The following NPAS3 variants were observed in gnomAD, a reference collection of about 807,000 sequenced individuals.
The protein encoded by NPAS3 is neuronal PAS domain protein 3.
A neutral mutation model predicts 73.1 loss-of-function variants in NPAS3; 14 were observed. That is an observed-to-expected ratio of 0.19 (90% CI 0.13 to 0.30). The LOEUF (loss-of-function observed/expected upper bound fraction) is 0.30, where lower values mean the gene tolerates loss of function less well. Ranked by LOEUF, NPAS3 falls within the 10% of genes least tolerant of loss-of-function variation. NPAS3 has a pLI of 1.00. For synonymous variants in NPAS3, 620 were observed against 541.5 expected (o/e 1.14, Z -2.01); for missense variants, 1,096 against 1,250.0 (o/e 0.88, Z 1.86).
intron 3 of NPAS3, among the ~76,000 whole-genome samples, chr14:33,319,852 A>G (rs960530520): frequency 3.3e-5 from 5 of 152,186 alleles, no homozygotes; most frequent in Admixed American, 6.6e-5. Context: ...CTCCAGATAC[A>G]TTATGAACTT....
intron 4 of NPAS3, among the ~76,000 whole-genome samples, chr14:33,461,093 CA>C: frequency 1.3e-5 from 2 of 152,290 alleles, no homozygotes; most frequent in South Asian, 4.1e-4. Context: ...TAAGTACGTT[CA>C]AAGCCTGACT....
chr14:33,518,367 A>G (rs980552329), intron 4 of NPAS3, among the ~76,000 whole-genome samples: 2 of 152,092 alleles, frequency 1.3e-5, no homozygotes, highest in African/African-American at 4.8e-5. Flanking sequence ...TTCAGGGTGA[A>G]TAATTGAATC....
chr14:33,592,985 A>G (rs950155425), intron 5 of NPAS3, among the ~76,000 whole-genome samples: 1 of 152,106 alleles, frequency 6.6e-6, no homozygotes, highest in Non-Finnish European at 1.5e-5. Context: ...TGAGTCCTGC[A>G]ATGCTTCAGA....
In NPAS3 at chr14:33,740,221, ATC is replaced by A. The variant is rs555436010; in HGVS notation, c.852+4891_852+4892del. Among the ~76,000 whole-genome samples, 86 of 152,306 alleles carry A rather than the reference ATC, an allele frequency of 5.6e-4. 2 individuals are homozygous for A. Among genetic ancestry groups the A allele is most frequent in the Admixed American group, 1.2e-3 (19 of 15,274 alleles). On this transcript the variant is annotated intron_variant, in intron 7 of 11. Coordinates refer to ENST00000356141, the Ensembl canonical transcript of NPAS3. ...TTCACAATAATCATTTTAGAAAATT[ATC>A]TGTTTCCTCAATTTTGAAGATAAGT... is the stretch of plus-strand genomic sequence containing the variant.
chr14:32,958,643 C>T (rs1024810574), intron 1 of NPAS3, among the ~76,000 whole-genome samples: 1 of 152,204 alleles, frequency 6.6e-6, no homozygotes, highest in African/African-American at 2.4e-5. Flanking sequence ...AGATCTCTCT[C>T]CTTGTCTCTA....
At chr14:33,470,383 T>G (rs2050728415) in intron 4 of NPAS3, among the ~76,000 whole-genome samples, 1 of 152,180 alleles carries the variant, frequency 6.6e-6, no homozygotes, top group Admixed American at 6.5e-5. Flanking sequence ...CTTAAGCATT[T>G]AGGACCATCA....
At chr14:33,319,066 C>T (rs1187655444) in intron 3 of NPAS3, among the ~76,000 whole-genome samples, 1 of 151,916 alleles carries the variant, frequency 6.6e-6, no homozygotes, top group Non-Finnish European at 1.5e-5. Context: ...ACAGCATTCA[C>T]CTGGCACATG....
chr14:33,744,133 G>A (rs554427413), intron 7 of NPAS3, among the ~76,000 whole-genome samples: 1 of 152,238 alleles, frequency 6.6e-6, no homozygotes, highest in African/African-American at 2.4e-5. Flanking sequence ...TGGCTAACTG[G>A]CACCAAGAGG....
intron 6 of NPAS3, among the ~76,000 whole-genome samples, chr14:33,695,478 G>A (rs1377530336): frequency 3.3e-5 from 5 of 152,136 alleles, no homozygotes; most frequent in Admixed American, 1.3e-4. Context: ...ACTCATATTG[G>A]ATTGAAAAAT....
rs2053711420 is a variant in NPAS3 at position 33,524,628 on chromosome 14, A to G, written c.469-35493A>G. 2.0e-5 allele frequency among the ~76,000 whole-genome samples: 3 copies of G among 152,192 alleles called. No individual in the cohort carries two copies. In the South Asian group the frequency reaches 6.2e-4, roughly 32 times the overall value. ...TCTGTATTAGTCTGCCAGGGCTGCC[A>G]TGACAAAGTATCACAAACTGGTTGG... On this transcript the variant is annotated intron_variant, in intron 4 of 11. Transcript: ENST00000356141.
At chr14:32,940,415 T>G in intron 1 of NPAS3, among the ~76,000 whole-genome samples, 1 of 152,248 alleles carries the variant, frequency 6.6e-6, no homozygotes, top group East Asian at 1.9e-4. Flanking sequence ...GCCTACTTTC[T>G]TTGGAATCCT....
At chr14:33,175,363 C>T (rs1044181566) in intron 2 of NPAS3, among the ~76,000 whole-genome samples, 1 of 151,940 alleles carries the variant, frequency 6.6e-6, no homozygotes, top group African/African-American at 2.4e-5. Flanking sequence ...AAAATTTGTA[C>T]AAAATTATTC....
chr14:33,588,224 T>C (rs35740751), intron 5 of NPAS3, among the ~76,000 whole-genome samples: 3 of 152,112 alleles, frequency 2.0e-5, no homozygotes, highest in Non-Finnish European at 4.4e-5. Flanking sequence ...CTCTAAAATG[T>C]CTCCTTCTTT....
In NPAS3 at chr14:33,518,622, A is replaced by G. The variant is rs1595072507; in HGVS notation, c.469-41499A>G. Among the ~76,000 whole-genome samples, 2 of 112,076 alleles carry G rather than the reference A, an allele frequency of 1.8e-5. 1 individual carries two copies. Among genetic ancestry groups the G allele is most frequent in the South Asian group, 5.4e-4 (2 of 3,694 alleles). 73.5% of individuals were successfully genotyped at this position (112,076 alleles called of 152,430 possible). The stretch of plus-strand genomic sequence containing the variant: ...TTTTTTTTTTTTTTGGCATGTTACC[A>G]TGCCTTTGCAAAAAATGAAATTTCC... On this transcript the variant is annotated intron_variant, in intron 4 of 11. Coordinates refer to ENST00000356141, the Ensembl canonical transcript of NPAS3.
At chr14:33,467,957 A>G (rs939249005) in intron 4 of NPAS3, among the ~76,000 whole-genome samples, 2 of 152,140 alleles carry the variant, frequency 1.3e-5, no homozygotes, top group Admixed American at 6.5e-5. Flanking sequence ...CAAACATCTT[A>G]ATTATTTCAG....
chr14:33,379,977 CGTGTGTGTGT>C (rs34208750), intron 4 of NPAS3, among the ~76,000 whole-genome samples: 16 of 144,232 alleles, frequency 1.1e-4, no homozygotes, highest in Non-Finnish European at 1.7e-4. Context: ...AGTTATCCCT[CGTGTGTGTGT>C]GTGTGTGTGT....
chr14:33,712,282 C>A (rs2060840274), intron 6 of NPAS3, among the ~76,000 whole-genome samples: 1 of 152,284 alleles, frequency 6.6e-6, no homozygotes, highest in Non-Finnish European at 1.5e-5. Context: ...AAACACCCCC[C>A]ACCAAATGAC....
intron 4 of NPAS3, among the ~76,000 whole-genome samples, chr14:33,451,015 A>G (rs1418480111): frequency 2.0e-5 from 3 of 152,228 alleles, no homozygotes; most frequent in Admixed American, 6.5e-5. Context: ...GAAAATGGCT[A>G]CAACCTTAAG....
chr14:33,585,770 T>G (rs1958545), intron 5 of NPAS3, among the ~76,000 whole-genome samples: 1 of 152,018 alleles, frequency 6.6e-6, no homozygotes, highest in Non-Finnish European at 1.5e-5. Flanking sequence ...TGGTGCCTAA[T>G]GTATTTTAGA....
Sources: allele counts gnomAD v4.1 joint callset (sites outside exome capture counted in the v4.1 genomes callset), GRCh38; gene constraint gnomAD v4.1.1; transcripts MANE v1.5; gene names NCBI Gene and HGNC (gene_info 2026-07-23, HGNC 2026-07-21).